Variants in CAMKK2 observed in about 807,000 individuals in gnomAD.
CAMKK2 encodes the protein calcium/calmodulin-dependent protein kinase kinase 2.
A neutral mutation model predicts 67.2 loss-of-function variants in CAMKK2; 30 were observed. The observed-to-expected ratio is 0.45, with a 90% CI of 0.33 to 0.61. The LOEUF (loss-of-function observed/expected upper bound fraction) is 0.61, where lower values mean the gene tolerates loss of function less well. Among genes scored for constraint, CAMKK2 ranks in the 20% least tolerant of loss-of-function variants. The pLI, the probability that CAMKK2 is intolerant of heterozygous loss-of-function variation, is 0.02. For synonymous variants in CAMKK2, 322 were observed against 326.2 expected, an observed-to-expected ratio of 0.99 and a Z score of 0.14; for missense variants, 643 against 802.0, an observed-to-expected ratio of 0.80 and a Z score of 2.39.
In CAMKK2 at chr12:121,262,298, T is replaced by G. The variant is rs138122951; in HGVS notation, c.759+1508A>C. Among the ~76,000 whole-genome samples, 229 of 152,062 alleles carry G rather than the reference T, an allele frequency of 1.5e-3. 1 individual carries two copies. The highest frequency in any genetic ancestry group is 5.1e-3 in the African/African-American group (212 of 41,494). On this transcript the variant is annotated intron_variant, in intron 6 of 16. Coordinates refer to ENST00000404169, the MANE Select transcript of CAMKK2 (RefSeq NM_001270485.2). ...GAGGCCAAGGCGGCTGGATCACGAG[T>G]TCAGGAGATCAAGACCATCCTGACT...
Position 121,238,863 on chromosome 12 carries a change from T to A in CAMKK2, c.*1836A>T, listed in dbSNP as rs1653588. 0.055 allele frequency: 8,421 copies of A among 152,628 alleles called. 249 individuals carry two copies. Among genetic ancestry groups the A allele is most frequent in the South Asian group, 0.12 (567 of 4,822 alleles). 9.5% of individuals were successfully genotyped at this position (152,628 alleles called of 1,614,324 possible). ...CTTATTGCAAACTAACCAAGCCCCA[T>A]CTGGTGCCAGAAGGGGTGGAGCTAT... is the stretch of plus-strand genomic sequence containing the variant. On this transcript the variant is annotated 3_prime_UTR_variant, in exon 17 of 17. Coordinates refer to ENST00000404169, the MANE Select transcript of CAMKK2 (RefSeq NM_001270485.2).
At chr12:121,261,005 G>C (rs903920933) in intron 6 of CAMKK2, among the ~76,000 whole-genome samples, 1 of 151,246 alleles carries the variant, frequency 6.6e-6, no homozygotes, top group Non-Finnish European at 1.5e-5. Context: ...ACGGTGTTCA[G>C]GGTGAAAATT....
At chr12:121,256,085 C>T (rs12227729) in intron 7 of CAMKK2, among the ~76,000 whole-genome samples, 29,240 of 152,188 alleles carry the variant, frequency 0.19, 3,284 homozygotes, top group African/African-American at 0.28. Flanking sequence ...TCAAAGAAAA[C>T]ACGGCAGGGG....
At chr12:121,248,797 C>G in intron 13 of CAMKK2, 63 bp from the exon 14 acceptor site, 1 of 1,596,146 alleles carries the variant, frequency 6.3e-7, no homozygotes, top group Non-Finnish European at 8.6e-7. Context: ...GCCCTGCCAG[C>G]GAGCGGAGCC....
rs1427728686 is a variant in CAMKK2 at position 121,296,111 on chromosome 12, G to A, written c.-60+527C>T. 6.6e-6 allele frequency among the ~76,000 whole-genome samples: 1 copy of A among 152,152 alleles called. No homozygotes were observed. The highest frequency in any genetic ancestry group is 1.5e-5 in the Non-Finnish European group (1 of 68,004). On this transcript the variant is annotated intron_variant, in intron 1 of 16. Coordinates refer to ENST00000404169, the MANE Select transcript of CAMKK2 (RefSeq NM_001270485.2). The surrounding 1 kb of genome is among the most constrained non-coding windows in gnomAD (Gnocchi z 7.1). ...AAGGGCAGACCGAAGACAGCCAAAG[G>A]TCCCCTAGGTCCCCACAACTGCTGG...
intron 11 of CAMKK2, 84 bp downstream of exon 11, chr12:121,252,577 G>A (rs1890970746): frequency 7.6e-7 from 1 of 1,309,064 alleles, no homozygotes; most frequent in East Asian, 2.3e-5. Context: ...TCTTAAATAA[G>A]TAAGTACTGT....
chr12:121,260,225 A>C (rs1893160102), intron 7 of CAMKK2, 94 bp downstream of exon 7: 1 of 1,040,810 alleles, frequency 9.6e-7, no homozygotes, highest in South Asian at 1.6e-5. Context: ...TCTTTGGTGG[A>C]AGGTGCCAGG....
chr12:121,272,067 C>T (rs968683521), intron 2 of CAMKK2, among the ~76,000 whole-genome samples: 1 of 152,172 alleles, frequency 6.6e-6, no homozygotes, highest in Non-Finnish European at 1.5e-5. Context: ...TCTCAAACTC[C>T]TGGTCTTAAG....
intron 11 of CAMKK2, among the ~76,000 whole-genome samples, chr12:121,250,450 G>A (rs1277420886): frequency 6.6e-6 from 1 of 152,114 alleles, no homozygotes; most frequent in Non-Finnish European, 1.5e-5. Flanking sequence ...ATCGCGCCAC[G>A]CCCTGCCCTG....
Position 121,263,905 on chromosome 12 carries a change from A to C in CAMKK2, c.660T>G (p.Pro220=), listed in dbSNP as rs200951113. Residue 220 remains proline, a synonymous_variant, in exon 6 of 17, where the codon CCT becomes CCG. Coordinates refer to ENST00000404169, the MANE Select transcript of CAMKK2 (RefSeq NM_001270485.2). Reference sequence around the variant, plus strand: ...GGCCCCTGGGCTGGATGCAGCCTCCAGGAGCTGGCCGGGTGCCTCGGGGTG... The same window carrying C: ...GGCCCCTGGGCTGGATGCAGCCTCCCGGAGCTGGCCGGGTGCCTCGGGGTG... ...RPPPRGTRPA[P]GGCIQPRGPI... 8.1e-6 allele frequency: 13 copies of C among 1,608,888 alleles called. No individual in the cohort carries two copies. Among genetic ancestry groups the C allele is most frequent in the Non-Finnish European group, 1.1e-5 (13 of 1,176,280 alleles).
intron 2 of CAMKK2, among the ~76,000 whole-genome samples, chr12:121,272,969 G>A (rs1406585275): frequency 2.6e-5 from 4 of 152,090 alleles, no homozygotes; most frequent in East Asian, 1.9e-4. Context: ...ATATTTTTGC[G>A]CTCCTACTAT....
At chr12:121,267,022 CTTTTTTTTTT>C (rs58762246) in intron 5 of CAMKK2, among the ~76,000 whole-genome samples, 6 of 30,766 alleles carry the variant, frequency 2.0e-4, no homozygotes, top group South Asian at 2.3e-3. Context: ...GTGCTCTGGC[CTTTTTTTTTT>C]TTTTTTTTTT....
intron 10 of CAMKK2, 126 bp from the exon 11 acceptor site, chr12:121,252,840 C>T: frequency 1.1e-6 from 1 of 887,270 alleles, no homozygotes; most frequent in Admixed American, 2.2e-5. Flanking sequence ...AATCTTGTCT[C>T]CTAGGCTCTG....
At chr12:121,269,696 T>A (rs530075043) in intron 3 of CAMKK2, 115 bp from the exon 4 acceptor site, 13 of 763,138 alleles carry the variant, frequency 1.7e-5, no homozygotes, top group Non-Finnish European at 2.9e-5. Flanking sequence ...GTCCCGCAAC[T>A]GTATTTTGTT....
chr12:121,290,960 C>G (rs772332915), intron 1 of CAMKK2, among the ~76,000 whole-genome samples: 10 of 152,226 alleles, frequency 6.6e-5, no homozygotes, highest in African/African-American at 2.4e-4. Flanking sequence ...GCTGGGATTA[C>G]AGGCGCGTGT....
rs1027448677 is a variant in CAMKK2 at position 121,285,182 on chromosome 12, A to C, written c.-59-10597T>G. Reference sequence around the variant, plus strand: ...CTCAAGCCTGGCCAGCTGGCTATCAATTGCTCTGGTCAAGTGGGTAACTCA... The same window carrying C: ...CTCAAGCCTGGCCAGCTGGCTATCACTTGCTCTGGTCAAGTGGGTAACTCA... On this transcript the variant is annotated intron_variant, in intron 1 of 16. Coordinates refer to ENST00000404169, the MANE Select transcript of CAMKK2 (RefSeq NM_001270485.2). The surrounding 1 kb of genome is among the most constrained non-coding windows in gnomAD (Gnocchi z 4.1). Among the ~76,000 whole-genome samples the C allele has an allele frequency of 2.0e-5, 3 of 152,138 alleles. No individual in the cohort carries two copies. Among genetic ancestry groups the C allele is most frequent in the Non-Finnish European group, 4.4e-5 (3 of 68,034 alleles).
chr12:121,295,623 G>C (rs1900988699), intron 1 of CAMKK2, among the ~76,000 whole-genome samples: 1 of 152,276 alleles, frequency 6.6e-6, no homozygotes, highest in South Asian at 2.1e-4. Flanking sequence ...TATCCCCTGC[G>C]TGGAGACTCC....
At position 121,253,146 on chromosome 12, in the gene CAMKK2, C is replaced by T. The variant is rs564025926; in HGVS notation, c.1107+127G>A. Reference sequence around the variant, plus strand: ...CCCTGGATCTAGCCAAGCCTGAAGCCTACCCCTCAGTATCTTGATCCAGGG... The same window carrying T: ...CCCTGGATCTAGCCAAGCCTGAAGCTTACCCCTCAGTATCTTGATCCAGGG... On this transcript the variant is annotated intron_variant, in intron 10 of 16. Coordinates refer to ENST00000404169, the MANE Select transcript of CAMKK2 (RefSeq NM_001270485.2). This position sits in a 1 kb window ranked among gnomAD's most constrained non-coding sequence, Gnocchi z 5.0. 13 of 781,240 alleles carry T rather than the reference C, an allele frequency of 1.7e-5. No individual in the cohort carries two copies. The highest frequency in any genetic ancestry group is 2.8e-5 in the Non-Finnish European group (13 of 468,484). 48.4% of individuals were successfully genotyped at this position (781,240 alleles called of 1,614,324 possible).
chr12:121,244,211 G>C, intron 16 of CAMKK2: 2 of 1,489,034 alleles, frequency 1.3e-6, no homozygotes, highest in Non-Finnish European at 1.8e-6. Context: ...TGACCTATGT[G>C]CTGACCATGC....
Sources: allele counts gnomAD v4.1 joint callset (sites outside exome capture counted in the v4.1 genomes callset), GRCh38; gene constraint gnomAD v4.1.1; non-coding constraint Gnocchi (gnomAD v3.1); transcripts MANE v1.5; gene names NCBI Gene and HGNC (gene_info 2026-07-23, HGNC 2026-07-21).